ARHGEF19: variants seen among roughly 807,000 people sequenced by gnomAD.
ARHGEF19 encodes the protein Rho guanine nucleotide exchange factor (GEF) 19.
ARHGEF19 carries 92 observed loss-of-function variants against 87.6 expected under a neutral mutation model. The ratio of observed to expected loss-of-function variants is 1.05; its 90% CI spans 0.89 to 1.25. The LOEUF (loss-of-function observed/expected upper bound fraction) is 1.25, where lower values mean the gene tolerates loss of function less well. Among genes scored for constraint, ARHGEF19 ranks in the 50% most tolerant of loss-of-function variants. The pLI, the probability that ARHGEF19 is intolerant of heterozygous loss-of-function variation, is 0.00. For missense variants in ARHGEF19, 1,054 were observed against 1,051.8 expected, an observed-to-expected ratio of 1.00 and a Z score of -0.03; for synonymous variants, 438 against 446.2, an observed-to-expected ratio of 0.98 and a Z score of 0.23.
intron 14 of ARHGEF19, among the ~76,000 whole-genome samples, chr1:16,200,077 G>A (rs752759620): frequency 6.6e-6 from 1 of 152,196 alleles, no homozygotes; most frequent in Non-Finnish European, 1.5e-5. Flanking sequence ...TGGGAATAGA[G>A]AGCTTACCCC....
rs2100257424 is a variant in ARHGEF19, at chr1:16,198,513, G to A, written c.*74C>T. On this transcript the variant is annotated 3_prime_UTR_variant, in exon 16 of 16. Transcript: ENST00000270747. This position sits in a 1 kb window ranked among gnomAD's most constrained non-coding sequence, Gnocchi z 4.1. ...TGCCAGCAGGAGCAGCTTGGGGAATGGAGACACTGCAGGCCCCTCCAGGAC... is the reference window on the plus strand; with the variant it reads ...TGCCAGCAGGAGCAGCTTGGGGAATAGAGACACTGCAGGCCCCTCCAGGAC... The A allele has an allele frequency of 4.1e-6, 6 of 1,460,700 alleles. No individual in the cohort carries two copies. The South Asian group carries it at 9.2e-5, about 23-fold the overall frequency. The allele number at this position is 1,460,700 out of a possible 1,614,324, so 90.5% of individuals were successfully genotyped here. A position where few individuals can be genotyped will look rare whatever the true frequency, so the allele number is the denominator to read the frequency against.
At position 16,208,778 on chromosome 1, in the gene ARHGEF19, C is replaced by T. The variant is rs1569719041; in HGVS notation, c.277G>A (p.Gly93Arg). 1.2e-6 allele frequency: 2 copies of T among 1,613,262 alleles called. No homozygotes were observed. The highest frequency in any genetic ancestry group is 4.5e-5 in the East Asian group (2 of 44,890). Reference sequence around the variant, plus strand: ...CTGCCAGCCCTGCTGGGCCGCATCCCCCCGCTGGTGATCTCTGTATCTGAG... The same window carrying T: ...CTGCCAGCCCTGCTGGGCCGCATCCTCCCGCTGGTGATCTCTGTATCTGAG... ...GGSDTEITSGGMRPSRAGSWP... is the reference protein window; with the variant it reads ...GGSDTEITSGRMRPSRAGSWP... The change falls in exon 2 of 16, where the codon GGG becomes AGG. Residue 93 changes from glycine (G) to arginine (R), a missense_variant. Physicochemically the swap from Gly to Arg is moderately radical, Grantham distance 125 (BLOSUM62 -2). Transcript: ENST00000270747.
In ARHGEF19 at chr1:16,198,444, T is replaced by C. The variant is rs2081058059; in HGVS notation, c.*143A>G. 5 of 1,077,254 alleles carry C rather than the reference T, an allele frequency of 4.6e-6. No individual in the cohort carries two copies. The highest frequency in any genetic ancestry group is 3.9e-6 in the Non-Finnish European group (3 of 778,208). 66.7% of individuals were successfully genotyped at this position (1,077,254 alleles called of 1,614,324 possible). On this transcript the variant is annotated 3_prime_UTR_variant, in exon 16 of 16. Transcript: ENST00000270747. The surrounding 1 kb of genome is among the most constrained non-coding windows in gnomAD (Gnocchi z 4.1). Reference sequence around the variant, plus strand: ...GACCCTCTGGAGGCGCCCCCATTCCTGTGTCCAGCCTGTGCCCTCAATGCC... The same window carrying C: ...GACCCTCTGGAGGCGCCCCCATTCCCGTGTCCAGCCTGTGCCCTCAATGCC...
chr1:16,208,636 G>T lies in ARHGEF19; in HGVS notation c.412+7C>A. 1.3e-6 allele frequency: 2 copies of T among 1,596,968 alleles called. No homozygotes were observed. The highest frequency in any genetic ancestry group is 1.1e-5 in the South Asian group (1 of 88,662). On this transcript the variant is annotated splice_region_variant and intron_variant, in intron 2 of 15. Coordinates refer to ENST00000270747, the MANE Select transcript of ARHGEF19 (RefSeq NM_153213.5). ...CACCCACACCCGCCTTCCCCAGGGT[G>T]ACTCACAGGCAGACTTCTTCTCCGA... is the stretch of plus-strand genomic sequence containing the variant.
chr1:16,208,707 G>C lies in ARHGEF19; in HGVS notation c.348C>G (p.Pro116=), dbSNP rs770933260. Reference sequence around the variant, plus strand: ...GTGGCTGTGTGTGTCGGGGACTCCAGGGTCCCTCCAGAGCTGGGGGCTGGG... The same window carrying C: ...GTGGCTGTGTGTGTCGGGGACTCCACGGTCCCTCCAGAGCTGGGGGCTGGG... The part of the protein sequence containing the change: ...PGAQPPALEG[P]WSPRHTQPQR... Residue 116 remains proline (P), a synonymous_variant, in exon 2 of 16, where the codon CCC becomes CCG. Coordinates refer to ENST00000270747, the MANE Select transcript of ARHGEF19 (RefSeq NM_153213.5). 6.2e-7 allele frequency: 1 copy of C among 1,607,730 alleles called. No individual in the cohort carries two copies. Among genetic ancestry groups the C allele is most frequent in the South Asian group, 1.1e-5 (1 of 90,568 alleles).
In ARHGEF19 at chr1:16,207,609, G is replaced by C; in HGVS notation, c.798-11C>G. On this transcript the variant is annotated splice_polypyrimidine_tract_variant and intron_variant, in intron 4 of 15. Transcript: ENST00000270747. The surrounding 1 kb of genome is among the most constrained non-coding windows in gnomAD (Gnocchi z 4.0). ...TCCTGTGTGTCTAGCCTAGGAAAGA[G>C]AGAGCGTCACGGCCCTAGTTCGCCT... The C allele has an allele frequency of 2.5e-6, 4 of 1,614,026 alleles. No homozygotes were observed. The highest frequency in any genetic ancestry group is 3.4e-6 in the Non-Finnish European group (4 of 1,180,018).
At position 16,204,772 on chromosome 1, in the gene ARHGEF19, A is replaced by G; in HGVS notation, c.1894T>C (p.Ser632Pro). Residue 632 changes from serine to proline, a missense_variant, in exon 12 of 16, where the codon TCT becomes CCT. Physicochemically the swap from Ser to Pro is moderately conservative, Grantham distance 74 (BLOSUM62 -1). Coordinates refer to ENST00000270747, the MANE Select transcript of ARHGEF19 (RefSeq NM_153213.5). ...GCCCCGACTCACTCCTTCCGCCGAG[A>G]GAGCAGCAAGCAGTCATTGAAGAGG... ...LHLFNDCLLL[S>P]RRKELGKFAV... The G allele has an allele frequency of 6.2e-7, 1 of 1,600,846 alleles. No homozygotes were observed. The highest frequency in any genetic ancestry group is 8.5e-7 in the Non-Finnish European group (1 of 1,170,602).
At chr1:16,199,351 G>T in intron 14 of ARHGEF19, 97 bp from the exon 15 acceptor site, 1 of 948,372 alleles carries the variant, frequency 1.1e-6, no homozygotes, top group South Asian at 1.4e-5. Context: ...GAAGTAAGGG[G>T]GTGGGAAGGT....
At chr1:16,200,312 C>T (rs1201199675) in intron 14 of ARHGEF19, among the ~76,000 whole-genome samples, 1 of 152,250 alleles carries the variant, frequency 6.6e-6, no homozygotes, top group Non-Finnish European at 1.5e-5. Context: ...GTAGGGTTGC[C>T]ATGAGGATTA....
In ARHGEF19 at chr1:16,206,905, C is replaced by T; in HGVS notation, c.1137+43G>A. On this transcript the variant is annotated intron_variant, in intron 6 of 15. Coordinates refer to ENST00000270747, the MANE Select transcript of ARHGEF19 (RefSeq NM_153213.5). This position sits in a 1 kb window ranked among gnomAD's most constrained non-coding sequence, Gnocchi z 4.6. ...CCGCTAAGTCCCCGGACCGCGTACT[C>T]CCCGGCCCGCCCCCGCCCCGCCGGG... is the stretch of plus-strand genomic sequence containing the variant. 1 of 1,421,468 alleles carries T rather than the reference C, an allele frequency of 7.0e-7. No individual in the cohort carries two copies. The highest frequency in any genetic ancestry group is 9.1e-7 in the Non-Finnish European group (1 of 1,097,496). The allele number at this position is 1,421,468 out of a possible 1,614,324, so 88.1% of individuals were successfully genotyped here.
At chr1:16,204,655 C>T in intron 12 of ARHGEF19, 104 bp downstream of exon 12, 1 of 1,369,810 alleles carries the variant, frequency 7.3e-7, no homozygotes, top group Non-Finnish European at 9.7e-7. Flanking sequence ...CTGGCACAGG[C>T]AGGGACTCCC....
Position 16,208,700 on chromosome 1 carries a change from G to T in ARHGEF19, c.355C>A (p.Pro119Thr). 6.2e-7 allele frequency: 1 copy of T among 1,607,880 alleles called. No homozygotes were observed. Among genetic ancestry groups the T allele is most frequent in the Non-Finnish European group, 8.5e-7 (1 of 1,178,140 alleles). The stretch of plus-strand genomic sequence containing the variant: ...CGGCGCTGTGGCTGTGTGTGTCGGG[G>T]ACTCCAGGGTCCCTCCAGAGCTGGG... ...QPPALEGPWS[P>T]RHTQPQRRAS... Residue 119 changes from proline (P) to threonine (T), a missense_variant, in exon 2 of 16, where the codon CCC (proline) becomes ACC (threonine). Coordinates refer to ENST00000270747, the MANE Select transcript of ARHGEF19 (RefSeq NM_153213.5).
intron 12 of ARHGEF19, 115 bp from the exon 13 acceptor site, chr1:16,202,689 C>T: frequency 7.4e-7 from 1 of 1,353,064 alleles, no homozygotes; most frequent in Non-Finnish European, 1.0e-6. Flanking sequence ...CCTGCCCTGC[C>T]AGCGTTCTCA....
rs1014062245 is a variant in ARHGEF19, at chr1:16,204,972, C to T, written c.1747-53G>A. The T allele has an allele frequency of 9.5e-6, 15 of 1,573,552 alleles. No individual in the cohort carries two copies. In the African/African-American group the frequency reaches 1.9e-4, roughly 20 times the overall value. On this transcript the variant is annotated intron_variant, in intron 11 of 15. Coordinates refer to ENST00000270747, the MANE Select transcript of ARHGEF19 (RefSeq NM_153213.5). ...GCCCAGGGGCACCAGGCAGAGAGCA[C>T]AAGATGGTAGATGGGAGGGTGTGGG...
chr1:16,199,626 T>C (rs1279546096), intron 14 of ARHGEF19, among the ~76,000 whole-genome samples: 1 of 152,012 alleles, frequency 6.6e-6, no homozygotes, highest in Non-Finnish European at 1.5e-5. Context: ...GGCCCTGCAA[T>C]GTGCCCCTAA....
At position 16,207,576 on chromosome 1, in the gene ARHGEF19, G is replaced by A; in HGVS notation, c.820C>T (p.Pro274Ser). 6.2e-7 allele frequency: 1 copy of A among 1,613,994 alleles called. No individual in the cohort carries two copies. Among genetic ancestry groups the A allele is most frequent in the Non-Finnish European group, 8.5e-7 (1 of 1,179,998 alleles). The change falls in exon 5 of 16, where the codon CCT becomes TCT. Residue 274 changes from proline to serine, a missense_variant. Transcript: ENST00000270747. The surrounding 1 kb of genome is among the most constrained non-coding windows in gnomAD (Gnocchi z 4.0). Reference sequence around the variant, plus strand: ...TCGTTGGTGCTCCTGGACCCCAAAGGCGGCTCTTCCTGTGTGTCTAGCCTA... The same window carrying A: ...TCGTTGGTGCTCCTGGACCCCAAAGACGGCTCTTCCTGTGTGTCTAGCCTA... ...EPRLDTQEEP[P>S]LGSRSTNERR...
chr1:16,205,798 T>G lies in ARHGEF19; in HGVS notation c.1452-131A>C. 2 of 1,489,136 alleles carry G rather than the reference T, an allele frequency of 1.3e-6. No individual in the cohort carries two copies. 92.2% of individuals were successfully genotyped at this position (1,489,136 alleles called of 1,614,324 possible). A position where few individuals can be genotyped will look rare whatever the true frequency, so the allele number is the denominator to read the frequency against. On this transcript the variant is annotated intron_variant, in intron 8 of 15. Coordinates refer to ENST00000270747, the MANE Select transcript of ARHGEF19 (RefSeq NM_153213.5). This position sits in a 1 kb window ranked among gnomAD's most constrained non-coding sequence, Gnocchi z 5.8. ...CTGCCCTTTGGGGTTGCATCTCACC[T>G]TATCCTGGTCACAGAGACCTTTTCA...
At chr1:16,208,299 C>A in intron 2 of ARHGEF19, 74 bp from the exon 3 acceptor site, 1 of 1,507,036 alleles carries the variant, frequency 6.6e-7, no homozygotes, top group South Asian at 1.3e-5. Context: ...TGCCCCTGGC[C>A]CTGAGCACCT....
Position 16,208,745 on chromosome 1 carries a change from G to A in ARHGEF19, c.310C>T (p.His104Tyr), listed in dbSNP as rs762590754. The A allele has an allele frequency of 2.5e-6, 4 of 1,611,696 alleles. No individual in the cohort carries two copies. In the African/African-American group the frequency reaches 5.3e-5, roughly 22 times the overall value. Residue 104 changes from histidine (H) to tyrosine (Y), a missense_variant, in exon 2 of 16, where the codon CAC (histidine) becomes TAC (tyrosine). Transcript: ENST00000270747. ...GCTGGGGGCTGGGCACCAGGACAGT[G>A]TGGCCAGCTGCCAGCCCTGCTGGGC... ...MRPSRAGSWPHCPGAQPPALE... is the reference protein window; with the variant it reads ...MRPSRAGSWPYCPGAQPPALE...
Sources: allele counts gnomAD v4.1 joint callset (sites outside exome capture counted in the v4.1 genomes callset), GRCh38; gene constraint gnomAD v4.1.1; non-coding constraint Gnocchi (gnomAD v3.1); transcripts MANE v1.5; gene names NCBI Gene and HGNC (gene_info 2026-07-23, HGNC 2026-07-21).